The following ZNF518A variants were observed in gnomAD, a reference collection of about 807,000 sequenced individuals.
ZNF518A encodes the protein zinc finger protein 518A.
A neutral mutation model predicts 102.7 loss-of-function variants in ZNF518A; 47 were observed. The observed-to-expected ratio is 0.46, with a 90% CI of 0.36 to 0.58. ZNF518A has a LOEUF of 0.58. ZNF518A is among the 20% of genes least tolerant of loss of function. ZNF518A has a pLI of 0.00. For missense variants in ZNF518A, 1,793 were observed against 1,699.8 expected, an observed-to-expected ratio of 1.05 and a Z score of -0.96; for synonymous variants, 652 against 594.6, an observed-to-expected ratio of 1.10 and a Z score of -1.40.
In ZNF518A at chr10:96,197,206, G is replaced by A. The variant is rs142226223; in HGVS notation, n.36-6368G>A. 1,136 of 627,886 alleles carry A rather than the reference G, an allele frequency of 1.8e-3. 10 individuals carry two copies. The African/African-American group carries it at 0.019, about 10-fold the overall frequency. The allele number at this position is 627,886 out of a possible 1,614,324, so 38.9% of individuals were successfully genotyped here. ...TACATTATTTTTATTATTGATTAGC[G>A]CTTGTCTTCTTATTTTCTAAGAAAA... is the stretch of plus-strand genomic sequence containing the variant. On this transcript the variant is annotated intron_variant and non_coding_transcript_variant, in intron 1 of 2. Transcript: ENST00000442635.
At chr10:96,175,734 G>A (rs1379159756) in intron 1 of ZNF518A, among the ~76,000 whole-genome samples, 3 of 152,182 alleles carry the variant, frequency 2.0e-5, no homozygotes, top group Admixed American at 6.5e-5. Flanking sequence ...GGGCAAAAAT[G>A]TAGACTGAAG....
chr10:96,188,390 AACTG>A (rs2083285332), intron 1 of ZNF518A, among the ~76,000 whole-genome samples: 1 of 152,214 alleles, frequency 6.6e-6, no homozygotes, highest in Admixed American at 6.5e-5. Context: ...TATGTCAACC[AACTG>A]AGGATTAGTA....
downstream of ZNF518A, among the ~76,000 whole-genome samples, chr10:96,165,485 AAAAAC>A (rs376620230): frequency 0.029 from 4,251 of 146,592 alleles, 662 homozygotes; most frequent in East Asian, 0.47. Context: ...AAAAAAAAAA[AAAAAC>A]AGACACCAAA....
At chr10:96,191,831 A>C in intron 1 of ZNF518A, 1 of 1,112,252 alleles carries the variant, frequency 9.0e-7, no homozygotes, top group South Asian at 1.4e-5. Context: ...GAAATGGATG[A>C]CCACTTCAAT....
downstream of ZNF518A, among the ~76,000 whole-genome samples, chr10:96,166,407 G>A (rs1337504607): frequency 1.3e-5 from 2 of 152,288 alleles, 1 homozygote. Context: ...GAAAACAGTA[G>A]AGCAATCAGT....
At chr10:96,142,805 CTTTT>C (rs782256155) in intron 3 of ZNF518A, among the ~76,000 whole-genome samples, 1 of 137,644 alleles carries the variant, frequency 7.3e-6, no homozygotes, top group African/African-American at 2.7e-5. Context: ...TGTGTGATTT[CTTTT>C]TTTTTTTTTT....
intron 1 of ZNF518A, among the ~76,000 whole-genome samples, chr10:96,175,438 C>A (rs891412155): frequency 6.6e-6 from 1 of 152,154 alleles, no homozygotes; most frequent in Non-Finnish European, 1.5e-5. Context: ...TAGGTACTAA[C>A]TCTGTCAGTT....
chr10:96,194,205 T>C (rs957415765), intron 1 of ZNF518A, among the ~76,000 whole-genome samples: 4 of 152,200 alleles, frequency 2.6e-5, no homozygotes, highest in Non-Finnish European at 5.9e-5. Flanking sequence ...GGACAGCTTC[T>C]TCACCCACCC....
chr10:96,170,024 A>C (rs782071775), intron 1 of ZNF518A, among the ~76,000 whole-genome samples: 4 of 152,224 alleles, frequency 2.6e-5, no homozygotes, highest in African/African-American at 7.2e-5. Flanking sequence ...ATCAACATTC[A>C]GCCAGGTGGC....
chr10:96,177,895 G>C lies in ZNF518A; in HGVS notation n.35+21848G>C, dbSNP rs151257031. On this transcript the variant is annotated intron_variant and non_coding_transcript_variant, in intron 1 of 2. Coordinates refer to the ZNF518A transcript ENST00000442635. ...TAGGGATAAAAAGAAATACCTCAAT[G>C]ATAAAGAGTTCCATTCATTAAGAAG... Among the ~76,000 whole-genome samples the C allele has an allele frequency of 1.1e-4, 16 of 152,158 alleles. No homozygotes were observed. In the East Asian group the frequency reaches 2.7e-3, roughly 26 times the overall value.
Position 96,131,072 on chromosome 10 carries a change from CATT to C in ZNF518A, c.-453+321_-453+323del, listed in dbSNP as rs1253976684. On this transcript the variant is annotated intron_variant, in intron 1 of 5. Coordinates refer to ENST00000316045, the MANE Select transcript of ZNF518A (RefSeq NM_001330736.2). ...TGTATGTGAGCTGTTTTAGTGCAAA[CATT>C]GTTGAGTATGTTGTCAAACGTCTAA... is the stretch of plus-strand genomic sequence containing the variant. Among the ~76,000 whole-genome samples the C allele has an allele frequency of 7.2e-5, 11 of 152,234 alleles. No homozygotes were observed. The East Asian group carries it at 1.2e-3, about 16-fold the overall frequency.
chr10:96,146,346 C>T (rs10882726), intron 3 of ZNF518A, among the ~76,000 whole-genome samples: 128,927 of 152,210 alleles, frequency 0.85, 55,483 homozygotes, highest in Non-Finnish European at 0.93. Context: ...TCTCCAGACT[C>T]TTTATGTATG....
chr10:96,200,962 A>G lies in ZNF518A; in HGVS notation n.36-2612A>G, dbSNP rs782646647. Reference sequence around the variant, plus strand: ...AGTTTCCTGGTAACAATTTAGTGACATCAAGAGTTCATTTCATACCTGTTC... The same window carrying G: ...AGTTTCCTGGTAACAATTTAGTGACGTCAAGAGTTCATTTCATACCTGTTC... On this transcript the variant is annotated intron_variant and non_coding_transcript_variant, in intron 1 of 2. Transcript: ENST00000442635. This position sits in a 1 kb window ranked among gnomAD's most constrained non-coding sequence, Gnocchi z 4.3. 1.2e-6 allele frequency: 2 copies of G among 1,608,382 alleles called. No homozygotes were observed. Among genetic ancestry groups the G allele is most frequent in the South Asian group, 2.2e-5 (2 of 90,970 alleles).
At chr10:96,144,131 G>T (rs2082064043) in intron 3 of ZNF518A, among the ~76,000 whole-genome samples, 1 of 151,942 alleles carries the variant, frequency 6.6e-6, no homozygotes, top group Non-Finnish European at 1.5e-5. Flanking sequence ...GACTACAGGT[G>T]CATGCCACCA....
At chr10:96,177,078 C>CAAAAA (rs141613606) in intron 1 of ZNF518A, among the ~76,000 whole-genome samples, 1 of 125,340 alleles carries the variant, frequency 8.0e-6, no homozygotes. Flanking sequence ...GTCTCTGTCT[C>CAAAAA]AAAAAAAAAA....
intron 3 of ZNF518A, among the ~76,000 whole-genome samples, chr10:96,136,272 C>G (rs113588670): frequency 1.1e-4 from 17 of 151,602 alleles, no homozygotes; most frequent in African/African-American, 3.4e-4. Context: ...TGGCAAAAAC[C>G]TTTGTTTTAT....
intron 1 of ZNF518A, among the ~76,000 whole-genome samples, chr10:96,173,442 C>T (rs1479735289): frequency 6.6e-6 from 1 of 152,134 alleles, no homozygotes; most frequent in African/African-American, 2.4e-5. Context: ...CATGTTGTCT[C>T]AGTCATTTTG....
chr10:96,144,012 G>A lies in ZNF518A; in HGVS notation c.-302+10364G>A, dbSNP rs587706347. On this transcript the variant is annotated intron_variant, in intron 3 of 5. Transcript: ENST00000316045. Reference sequence around the variant, plus strand: ...CCTTTGTTGTTGTTTTTTTAGACAGGTCTCGCTGTGTCACCTAGGCTGGAG... The same window carrying A: ...CCTTTGTTGTTGTTTTTTTAGACAGATCTCGCTGTGTCACCTAGGCTGGAG... Among the ~76,000 whole-genome samples the A allele has an allele frequency of 1.4e-4, 22 of 152,054 alleles. No homozygotes were observed. In the East Asian group the frequency reaches 3.5e-3, roughly 24 times the overall value.
intron 3 of ZNF518A, among the ~76,000 whole-genome samples, chr10:96,152,094 T>G (rs1431838479): frequency 6.6e-6 from 1 of 152,190 alleles, no homozygotes. Context: ...AGTGGATCGC[T>G]TGAGCTCAGA....
Sources: gnomAD v4.1 joint callset for allele counts (sites outside exome capture counted in the v4.1 genomes callset) on GRCh38, gnomAD v4.1.1 for gene constraint, Gnocchi (gnomAD v3.1) non-coding constraint, MANE v1.5 for transcripts, NCBI Gene and HGNC (gene_info 2026-07-23, HGNC 2026-07-21) for gene names.